Variants in NCKAP5 observed in about 807,000 individuals in gnomAD.
The protein encoded by NCKAP5 is NCK associated protein 5, also known as nck-associated protein 5.
Under a neutral mutation model 167.0 loss-of-function variants are expected in NCKAP5, and 92 were observed. The ratio of observed to expected loss-of-function variants is 0.55; its 90% CI spans 0.47 to 0.66. The LOEUF (loss-of-function observed/expected upper bound fraction) is 0.66. Among genes scored for constraint, NCKAP5 ranks in the 30% least tolerant of loss-of-function variants. The pLI is 0.00. For missense variants in NCKAP5, 2,378 were observed against 2,315.0 expected (o/e 1.03, Z -0.56); for synonymous variants, 891 against 877.4 (o/e 1.02, Z -0.27).
At chr2:133,406,704 G>A (rs1433381737) in intron 3 of NCKAP5, among the ~76,000 whole-genome samples, 2 of 152,186 alleles carry the variant, frequency 1.3e-5, no homozygotes, top group South Asian at 2.1e-4. Context: ...TCTGTCTGGG[G>A]TAGGAATGCA....
At chr2:132,991,211 C>T (rs1259931365) in intron 7 of NCKAP5, among the ~76,000 whole-genome samples, 3 of 152,202 alleles carry the variant, frequency 2.0e-5, no homozygotes, top group South Asian at 4.1e-4. Flanking sequence ...ATAGTGCCAG[C>T]ACCTCCTGCA....
chr2:133,622,515 A>G, the NCKAP5 span, among the ~76,000 whole-genome samples: 1 of 152,142 alleles, frequency 6.6e-6, no homozygotes, highest in Non-Finnish European at 1.5e-5. Context: ...AATCAAATCA[A>G]GAACTCAACC....
upstream of NCKAP5, among the ~76,000 whole-genome samples, chr2:133,568,647 T>C (rs1209507079): frequency 1.3e-5 from 2 of 152,138 alleles, no homozygotes; most frequent in African/African-American, 4.8e-5. Flanking sequence ...AATAATCCCA[T>C]TGATTCACAT....
chr2:133,002,454 C>G (rs547439309), intron 6 of NCKAP5, among the ~76,000 whole-genome samples: 13 of 152,152 alleles, frequency 8.5e-5, no homozygotes, highest in African/African-American at 3.1e-4. Context: ...TCTTATTGTA[C>G]GGTCCTCACC....
intron 3 of NCKAP5, among the ~76,000 whole-genome samples, chr2:133,484,154 G>T (rs1255772891): frequency 6.6e-6 from 1 of 152,092 alleles, no homozygotes; most frequent in Non-Finnish European, 1.5e-5. Context: ...AGTGACTGTT[G>T]CTCTTCTATC....
chr2:133,622,775 C>T, the NCKAP5 span, among the ~76,000 whole-genome samples: 1 of 151,932 alleles, frequency 6.6e-6, no homozygotes, highest in Non-Finnish European at 1.5e-5. Flanking sequence ...ATGACAATAC[C>T]ATCAGTCTTC....
At chr2:132,697,909 G>A (rs1687501723) in intron 19 of NCKAP5, among the ~76,000 whole-genome samples, 1 of 152,158 alleles carries the variant, frequency 6.6e-6, no homozygotes, top group South Asian at 2.1e-4. Context: ...TCATAGCTGT[G>A]TAGGTTTAGT....
At chr2:133,308,201 A>G (rs112553985) in intron 3 of NCKAP5, among the ~76,000 whole-genome samples, 28,372 of 141,484 alleles carry the variant, frequency 0.2, 2,957 homozygotes, top group African/African-American at 0.3. Context: ...CCATTCTCCC[A>G]CCTCAGCCTC....
intron 4 of NCKAP5, among the ~76,000 whole-genome samples, chr2:133,270,451 C>G (rs1009185752): frequency 4.6e-5 from 7 of 152,094 alleles, no homozygotes; most frequent in Non-Finnish European, 1.0e-4. Context: ...TAAAGATCAC[C>G]AATAGATGCT....
chr2:133,558,704 C>CAAAAAAAAAAAAAAAAAAAAAAAAAAAA (rs60051493), intron 2 of NCKAP5, among the ~76,000 whole-genome samples: 4 of 50,872 alleles, frequency 7.9e-5, no homozygotes, highest in Admixed American at 6.2e-4. Flanking sequence ...ATGTGCTGAG[C>CAAAAAAAAAAAAAAAAAAAAAAAAAAAA]AAAAAAAAAA....
chr2:133,100,513 C>A (rs2081476290), intron 6 of NCKAP5, among the ~76,000 whole-genome samples: 1 of 152,090 alleles, frequency 6.6e-6, no homozygotes, highest in African/African-American at 2.4e-5. Context: ...AGAGTCCAGA[C>A]GTGGTAGGGT....
At chr2:133,101,560 G>T (rs913724268) in intron 6 of NCKAP5, among the ~76,000 whole-genome samples, 1 of 150,882 alleles carries the variant, frequency 6.6e-6, no homozygotes, top group African/African-American at 2.4e-5. Context: ...CCATTTGTTT[G>T]TATCCTCTTT....
Position 132,725,629 on chromosome 2 carries a change from G to T in NCKAP5, c.5711C>A (p.Pro1904Gln). Residue 1904 changes from proline (P) to glutamine (Q), a missense_variant and splice_region_variant, in exon 19 of 20, where the codon CCA (proline) becomes CAA (glutamine). By Grantham distance (76) the Pro-to-Gln change is moderately conservative. Coordinates refer to ENST00000409261, the MANE Select transcript of NCKAP5 (RefSeq NM_207363.3). Reference protein sequence around the residue: ...QLVKALKSAAPEIETT With the variant: ...QLVKALKSAAQEIETT Reference sequence around the variant, plus strand: ...CCAGCAAGTTCGCTGGTTGTTACCTGGGGCAGCGCTCTTCAGTGCTTTCAC... The same window carrying T: ...CCAGCAAGTTCGCTGGTTGTTACCTTGGGCAGCGCTCTTCAGTGCTTTCAC... 5 of 1,606,786 alleles carry T rather than the reference G, an allele frequency of 3.1e-6. No homozygotes were observed. Among genetic ancestry groups the T allele is most frequent in the Non-Finnish European group, 4.2e-6 (5 of 1,177,452 alleles).
chr2:132,704,087 T>C (rs975791415), intron 19 of NCKAP5, among the ~76,000 whole-genome samples: 6 of 152,216 alleles, frequency 3.9e-5, no homozygotes, highest in African/African-American at 1.4e-4. Flanking sequence ...GCAGAAAAGC[T>C]ACCTATATCT....
At chr2:133,051,002 A>C (rs966538971) in intron 6 of NCKAP5, among the ~76,000 whole-genome samples, 15 of 152,334 alleles carry the variant, frequency 9.8e-5, no homozygotes, top group African/African-American at 3.6e-4. Context: ...AAATTTAGAG[A>C]ACTTTAGGAA....
intron 4 of NCKAP5, among the ~76,000 whole-genome samples, chr2:133,236,070 CAAAAA>C (rs527705526): frequency 1.3e-4 from 2 of 15,676 alleles, no homozygotes; most frequent in Non-Finnish European, 1.7e-4. Flanking sequence ...TGTCTCAGAC[CAAAAA>C]AAAAAAAAAA....
chr2:132,736,585 C>T (rs1228943152), intron 16 of NCKAP5, among the ~76,000 whole-genome samples: 2 of 151,704 alleles, frequency 1.3e-5, no homozygotes, highest in Admixed American at 6.6e-5. Context: ...TCGAGACCAT[C>T]CTGGCCCACA....
At chr2:133,586,765 A>G in the NCKAP5 span, among the ~76,000 whole-genome samples, 7 of 150,548 alleles carry the variant, frequency 4.6e-5, no homozygotes, top group Non-Finnish European at 7.4e-5. Flanking sequence ...ACACACACAC[A>G]CACACACACA....
intron 6 of NCKAP5, among the ~76,000 whole-genome samples, chr2:133,088,345 C>T (rs796617388): frequency 2.6e-5 from 4 of 152,228 alleles, no homozygotes; most frequent in African/African-American, 9.6e-5. Context: ...TCCCACTTTC[C>T]AGTCTTACCT....
Sources: gnomAD v4.1 joint callset for allele counts (sites outside exome capture counted in the v4.1 genomes callset) on GRCh38, gnomAD v4.1.1 for gene constraint, MANE v1.5 for transcripts, NCBI Gene and HGNC (gene_info 2026-07-23, HGNC 2026-07-21) for gene names.